ST8SIA2: variants seen among roughly 807,000 people sequenced by gnomAD.
The protein encoded by ST8SIA2 is ST8 alpha-N-acetyl-neuraminide alpha-2,8-sialyltransferase 2.
A neutral mutation model predicts 37.6 loss-of-function variants in ST8SIA2; 22 were observed. That is an observed-to-expected ratio of 0.58 (90% CI 0.42 to 0.83). ST8SIA2 has a LOEUF of 0.83. Ranked by LOEUF, ST8SIA2 falls within the 40% of genes least tolerant of loss-of-function variation. ST8SIA2 has a pLI of 0.00. For missense variants in ST8SIA2, 382 were observed against 484.7 expected (o/e 0.79, Z 1.99); for synonymous variants, 205 against 201.2 (o/e 1.02, Z -0.16).
chr15:92,448,939 G>A (rs1038311675), intron 5 of ST8SIA2, among the ~76,000 whole-genome samples: 1 of 134,248 alleles, frequency 7.4e-6, no homozygotes, highest in African/African-American at 3.1e-5. Flanking sequence ...TAGGGTATGT[G>A]GGGGGGGGTG....
In ST8SIA2 at chr15:92,393,981, G is replaced by T. The variant is rs934871197; in HGVS notation, c.-84G>T. 5.3e-6 allele frequency: 5 copies of T among 942,538 alleles called. No individual in the cohort carries two copies. Among genetic ancestry groups the T allele is most frequent in the South Asian group, 4.9e-5 (2 of 40,654 alleles). 58.4% of individuals were successfully genotyped at this position (942,538 alleles called of 1,614,324 possible). The stretch of plus-strand genomic sequence containing the variant: ...GTCTGCCCAGCTGCGCGCGGCGCGC[G>T]GAGGCTCCGGCGTCCGCCGCTGCGC... On this transcript the variant is annotated 5_prime_UTR_variant, in exon 1 of 6. Coordinates refer to ENST00000268164, the MANE Select transcript of ST8SIA2 (RefSeq NM_006011.4).
chr15:92,461,015 G>A (rs143249924), intron 5 of ST8SIA2, among the ~76,000 whole-genome samples: 8 of 152,316 alleles, frequency 5.3e-5, no homozygotes, highest in Non-Finnish European at 1.2e-4. Context: ...GCTGTGCAGT[G>A]TGGTTAGGAA....
At position 92,436,856 on chromosome 15, in the gene ST8SIA2, C is replaced by T. The variant is rs547569691; in HGVS notation, c.291-1497C>T. On this transcript the variant is annotated intron_variant, in intron 3 of 5. Transcript: ENST00000268164. ...AAGTGTTCTAGCTGCCCCCTGGCTG[C>T]CCCGGAGGCTCTTGAACCTGGACAC... Among the ~76,000 whole-genome samples, 37 of 152,300 alleles carry T rather than the reference C, an allele frequency of 2.4e-4. No individual in the cohort carries two copies. The South Asian group carries it at 5.6e-3, about 23-fold the overall frequency.
intron 5 of ST8SIA2, 129 bp from the exon 6 acceptor site, chr15:92,463,971 T>A: frequency 7.7e-7 from 1 of 1,305,368 alleles, no homozygotes; most frequent in South Asian, 1.5e-5. Context: ...ACCAGGGATG[T>A]GTAGCTTGAT....
intron 1 of ST8SIA2, among the ~76,000 whole-genome samples, chr15:92,401,579 T>C (rs147230536): frequency 1.2e-4 from 18 of 152,308 alleles, no homozygotes; most frequent in African/African-American, 4.3e-4. Flanking sequence ...AGGTTCCTCC[T>C]GACACTTTCA....
chr15:92,449,881 A>G (rs2049869737), intron 5 of ST8SIA2, among the ~76,000 whole-genome samples: 1 of 152,100 alleles, frequency 6.6e-6, no homozygotes, highest in East Asian at 1.9e-4. Context: ...TAAGTTCCCT[A>G]TAGATTCTGG....
Position 92,450,836 on chromosome 15 carries a change from A to G in ST8SIA2, c.842+5907A>G, listed in dbSNP as rs1019026693. ...CTTCATACCCTCTAGCATGGCTATT[A>G]GTAAACACACATACACACACACAGA... On this transcript the variant is annotated intron_variant, in intron 5 of 5. Transcript: ENST00000268164. Among the ~76,000 whole-genome samples, 7 of 152,370 alleles carry G rather than the reference A, an allele frequency of 4.6e-5. No individual in the cohort carries two copies. In the South Asian group the frequency reaches 1.0e-3, roughly 23 times the overall value.
chr15:92,462,474 T>C (rs2049964274), intron 5 of ST8SIA2, among the ~76,000 whole-genome samples: 2 of 152,226 alleles, frequency 1.3e-5, no homozygotes, highest in South Asian at 4.1e-4. Flanking sequence ...GTATTTGGGC[T>C]TCTAGAAAAC....
intron 1 of ST8SIA2, among the ~76,000 whole-genome samples, chr15:92,399,201 C>G (rs890423311): frequency 6.6e-6 from 1 of 152,196 alleles, no homozygotes; most frequent in African/African-American, 2.4e-5. Flanking sequence ...AAAGGGCCTG[C>G]CTCGATACTA....
intron 1 of ST8SIA2, among the ~76,000 whole-genome samples, chr15:92,398,751 T>C (rs1038204184): frequency 3.3e-5 from 5 of 152,228 alleles, no homozygotes; most frequent in African/African-American, 1.2e-4. Flanking sequence ...AGCAGCTCTG[T>C]GGAAGGCCGA....
At chr15:92,457,411 A>G (rs2049927421) in intron 5 of ST8SIA2, among the ~76,000 whole-genome samples, 1 of 152,232 alleles carries the variant, frequency 6.6e-6, no homozygotes, top group Non-Finnish European at 1.5e-5. Flanking sequence ...CTCATAAAAT[A>G]CGGTGCTTAA....
At chr15:92,425,967 C>G (rs186794036) in intron 1 of ST8SIA2, among the ~76,000 whole-genome samples, 1 of 152,042 alleles carries the variant, frequency 6.6e-6, no homozygotes, top group East Asian at 1.9e-4. Flanking sequence ...GTTTCTCCAG[C>G]GTCAGAAAAG....
At chr15:92,460,090 C>G (rs1390404509) in intron 5 of ST8SIA2, among the ~76,000 whole-genome samples, 1 of 152,220 alleles carries the variant, frequency 6.6e-6, no homozygotes, top group Non-Finnish European at 1.5e-5. Flanking sequence ...GTCACGTGCC[C>G]TGCAAGGCTG....
chr15:92,450,131 T>TCTAG (rs1487528893), intron 5 of ST8SIA2, among the ~76,000 whole-genome samples: 1 of 152,180 alleles, frequency 6.6e-6, no homozygotes, highest in African/African-American at 2.4e-5. Context: ...GTAAAACATT[T>TCTAG]GTGCATCAAA....
intron 4 of ST8SIA2, among the ~76,000 whole-genome samples, chr15:92,443,232 C>T (rs1415896867): frequency 6.6e-6 from 1 of 152,180 alleles, no homozygotes; most frequent in East Asian, 1.9e-4. Flanking sequence ...ATTTCTCAGA[C>T]TTATTTTCAC....
chr15:92,444,690 C>T lies in ST8SIA2; in HGVS notation c.603C>T (p.Asp201=). 6.2e-7 allele frequency: 1 copy of T among 1,614,238 alleles called. No homozygotes were observed. Among genetic ancestry groups the T allele is most frequent in the Non-Finnish European group, 8.5e-7 (1 of 1,180,040 alleles). ...EYARDVGLKT[D]LVTMNPSVIQ... ...CCCGGGATGTGGGGCTCAAGACAGACCTGGTAACCATGAACCCCTCGGTCA... is the reference window on the plus strand; with the variant it reads ...CCCGGGATGTGGGGCTCAAGACAGATCTGGTAACCATGAACCCCTCGGTCA... The change falls in exon 5 of 6, where the codon GAC becomes GAT. Residue 201 remains aspartate, a synonymous_variant. Transcript: ENST00000268164.
chr15:92,425,423 G>C (rs1365792614), intron 1 of ST8SIA2, among the ~76,000 whole-genome samples: 1 of 152,232 alleles, frequency 6.6e-6, no homozygotes, highest in African/African-American at 2.4e-5. Context: ...CTTGAAGCCT[G>C]ATTTGCTTCA....
intron 5 of ST8SIA2, among the ~76,000 whole-genome samples, chr15:92,458,650 TC>T (rs1182263207): frequency 1.3e-5 from 2 of 152,130 alleles, no homozygotes; most frequent in African/African-American, 4.8e-5. Flanking sequence ...CCAACGACCT[TC>T]CCAGGAGCCC....
intron 3 of ST8SIA2, among the ~76,000 whole-genome samples, chr15:92,436,090 G>T (rs1056905474): frequency 6.6e-6 from 1 of 152,080 alleles, no homozygotes; most frequent in Admixed American, 6.5e-5. Flanking sequence ...AAGGACACCT[G>T]TCATTGTATT....
Sources: allele counts gnomAD v4.1 joint callset (sites outside exome capture counted in the v4.1 genomes callset), GRCh38; gene constraint gnomAD v4.1.1; transcripts MANE v1.5; gene names NCBI Gene and HGNC (gene_info 2026-07-23, HGNC 2026-07-21).